The following EYS variants were observed in gnomAD, a reference collection of about 807,000 sequenced individuals.
EYS encodes EGF-like photoreceptor maintenance factor.
Under a neutral mutation model 282.1 loss-of-function variants are expected in EYS, and 250 were observed. The ratio of observed to expected loss-of-function variants is 0.89; its 90% CI spans 0.80 to 0.98. The LOEUF (loss-of-function observed/expected upper bound fraction) is 0.98. EYS is among the 50% of genes least tolerant of loss of function. The probability of loss-of-function intolerance (pLI) is 0.00; values close to 1 mark genes in which losing one functional copy is unlikely to be tolerated. For synonymous variants in EYS, 1,355 were observed against 1,282.9 expected (o/e 1.06, Z -1.20); for missense variants, 4,016 against 3,709.0 (o/e 1.08, Z -2.15).
At chr6:64,296,563 TATATATATATATATATATATACATA>T (rs1769005160) in intron 30 of EYS, among the ~76,000 whole-genome samples, 6 of 6,954 alleles carry the variant, frequency 8.6e-4, no homozygotes, top group African/African-American at 2.8e-3. Context: ...TATATATATA[TATATATATATATATATATATACATA>T]TATATATATA....
intron 28 of EYS, among the ~76,000 whole-genome samples, chr6:64,409,343 CTGTTT>C (rs2150442325): frequency 6.6e-6 from 1 of 152,264 alleles, no homozygotes; most frequent in African/African-American, 2.4e-5. Flanking sequence ...AATGGTAGTT[CTGTTT>C]TAAGTTCTTT....
At chr6:64,168,122 C>T (rs1764352556) in intron 31 of EYS, among the ~76,000 whole-genome samples, 1 of 152,000 alleles carries the variant, frequency 6.6e-6, no homozygotes, top group Non-Finnish European at 1.5e-5. Flanking sequence ...ATTAGCCGAG[C>T]GTGGTGCGGA....
chr6:64,311,982 T>TTTTG (rs1769728740), intron 29 of EYS, among the ~76,000 whole-genome samples: 1 of 150,062 alleles, frequency 6.7e-6, no homozygotes, highest in South Asian at 2.1e-4. Flanking sequence ...GCAGAAGGTT[T>TTTTG]TTTTTTTTTT....
chr6:65,086,193 A>G lies in EYS; in HGVS notation c.2024-28466T>C, dbSNP rs75905525. On this transcript the variant is annotated intron_variant, in intron 12 of 42. Transcript: ENST00000503581. ...TAGCTGGGCATAGTGGCACATGCCT[A>G]TAATTCCACCTATTTGAGAGGCTGA... Among the ~76,000 whole-genome samples the G allele has an allele frequency of 2.6e-3, 400 of 152,148 alleles. 4 individuals carry two copies. Among genetic ancestry groups the G allele is most frequent in the African/African-American group, 9.1e-3 (376 of 41,522 alleles).
At chr6:63,777,845 G>T in intron 40 of EYS, 161 bp downstream of exon 40, 1 of 652,904 alleles carries the variant, frequency 1.5e-6, no homozygotes, top group Non-Finnish European at 2.7e-6. Context: ...ATTTTTAGTT[G>T]CCTTCACCTG....
intron 26 of EYS, among the ~76,000 whole-genome samples, chr6:64,528,350 T>G (rs10494880): frequency 6.6e-6 from 1 of 151,410 alleles, no homozygotes; most frequent in African/African-American, 2.4e-5. Context: ...TCTGTTACAA[T>G]CTCTTATTAC....
At chr6:64,538,241 T>G (rs1257266784) in intron 26 of EYS, among the ~76,000 whole-genome samples, 1 of 152,294 alleles carries the variant, frequency 6.6e-6, no homozygotes, top group South Asian at 2.1e-4. Context: ...GGTTATCAAA[T>G]TTTTGTTTCC....
chr6:65,618,325 G>C (rs567370811), intron 2 of EYS, among the ~76,000 whole-genome samples: 1 of 152,238 alleles, frequency 6.6e-6, no homozygotes, highest in South Asian at 2.1e-4. Flanking sequence ...ATTTTTTCAT[G>C]TGTTTTTCGG....
At chr6:64,125,257 A>G (rs1304698348) in intron 31 of EYS, among the ~76,000 whole-genome samples, 1 of 151,926 alleles carries the variant, frequency 6.6e-6, no homozygotes, top group Non-Finnish European at 1.5e-5. Context: ...AGGCCTTTCA[A>G]GTGGGTCCAA....
chr6:65,055,409 C>T (rs1225769665), intron 13 of EYS, among the ~76,000 whole-genome samples: 1 of 152,000 alleles, frequency 6.6e-6, no homozygotes, highest in Non-Finnish European at 1.5e-5. Flanking sequence ...CTGTATACTC[C>T]ATAACAAGTT....
intron 14 of EYS, among the ~76,000 whole-genome samples, chr6:64,958,674 G>T (rs1238616370): frequency 1.5e-5 from 2 of 133,788 alleles, no homozygotes; most frequent in South Asian, 2.4e-4. Context: ...GGCGGAGCTT[G>T]CAGTGAGCGG....
Position 64,227,702 on chromosome 6 carries a change from T to G in EYS, c.6424+2890A>C, listed in dbSNP as rs538513618. On this transcript the variant is annotated intron_variant, in intron 31 of 42. Transcript: ENST00000503581. ...TCTGGTAAATCAGGACTCTTCACAA[T>G]AATATTATGCAAATTTCATTCCTGA... 7.2e-5 allele frequency among the ~76,000 whole-genome samples: 11 copies of G among 152,222 alleles called. 1 individual carries two copies. The highest frequency in any genetic ancestry group is 2.6e-4 in the African/African-American group (11 of 41,558).
intron 12 of EYS, among the ~76,000 whole-genome samples, chr6:65,112,506 G>A (rs1775241836): frequency 6.6e-6 from 1 of 152,034 alleles, no homozygotes; most frequent in African/African-American, 2.4e-5. Flanking sequence ...TGCTCTCTCT[G>A]CTATTTTAAA....
At chr6:65,672,140 C>A (rs1000834226) in intron 1 of EYS, among the ~76,000 whole-genome samples, 5 of 152,230 alleles carry the variant, frequency 3.3e-5, no homozygotes, top group African/African-American at 1.2e-4. Context: ...TTCAACTTGA[C>A]AGTTTGTCCC....
At chr6:65,418,648 T>A (rs143430054) in intron 5 of EYS, among the ~76,000 whole-genome samples, 2 of 151,936 alleles carry the variant, frequency 1.3e-5, no homozygotes, top group African/African-American at 2.4e-5. Context: ...AAACACCACA[T>A]GTTTTCACTT....
In EYS at chr6:63,958,905, C is replaced by A. The variant is rs137950725; in HGVS notation, c.7055+25478G>T. Among the ~76,000 whole-genome samples, 837 of 152,256 alleles carry A rather than the reference C, an allele frequency of 5.5e-3. 10 individuals carry two copies. Among genetic ancestry groups the A allele is most frequent in the African/African-American group, 0.018 (757 of 41,568 alleles). On this transcript the variant is annotated intron_variant, in intron 35 of 42. Coordinates refer to ENST00000503581, the MANE Select transcript of EYS (RefSeq NM_001142800.2). The stretch of plus-strand genomic sequence containing the variant: ...ATTCCCTTTGAAATGTGTTCGCTGA[C>A]AATGCACCTGGACACTCAAGAGTTC...
intron 1 of EYS, among the ~76,000 whole-genome samples, chr6:65,648,639 C>CA (rs1767542893): frequency 6.6e-6 from 1 of 151,594 alleles, no homozygotes; most frequent in African/African-American, 2.4e-5. Context: ...ACCAAAATCT[C>CA]AGAAATCACC....
chr6:64,020,860 C>T (rs1769154900), intron 33 of EYS, among the ~76,000 whole-genome samples: 1 of 151,896 alleles, frequency 6.6e-6, no homozygotes, highest in African/African-American at 2.4e-5. Flanking sequence ...TTATTAATAC[C>T]AAAGAAAGAT....
chr6:64,633,165 T>C (rs1330226947), intron 22 of EYS, among the ~76,000 whole-genome samples: 1 of 152,172 alleles, frequency 6.6e-6, no homozygotes, highest in Non-Finnish European at 1.5e-5. Context: ...TTAGCAATTA[T>C]TGTAACATAA....
Sources: gnomAD v4.1 joint callset for allele counts (sites outside exome capture counted in the v4.1 genomes callset) on GRCh38, gnomAD v4.1.1 for gene constraint, MANE v1.5 for transcripts, NCBI Gene and HGNC (gene_info 2026-07-23, HGNC 2026-07-21) for gene names.